SGCZ: variants seen among roughly 807,000 people sequenced by gnomAD.
The protein encoded by SGCZ is zeta-sarcoglycan.
A neutral mutation model predicts 41.3 loss-of-function variants in SGCZ; 40 were observed. The ratio of observed to expected loss-of-function variants is 0.97; its 90% CI spans 0.75 to 1.26. The LOEUF (loss-of-function observed/expected upper bound fraction) is 1.26. Ranked by LOEUF, SGCZ falls within the 50% of genes most tolerant of loss-of-function variation. SGCZ has a pLI of 0.00. For synonymous variants in SGCZ, 206 were observed against 137.5 expected, an observed-to-expected ratio of 1.50 and a Z score of -3.49; for missense variants, 552 against 369.8, an observed-to-expected ratio of 1.49 and a Z score of -4.04.
intron 2 of SGCZ, among the ~76,000 whole-genome samples, chr8:14,490,301 A>G (rs1203243124): frequency 1.3e-5 from 2 of 152,108 alleles, no homozygotes; most frequent in African/African-American, 4.8e-5. Flanking sequence ...TGCTCACCTA[A>G]ATTTACCTAC....
intron 1 of SGCZ, among the ~76,000 whole-genome samples, chr8:14,697,740 A>T (rs1009773320): frequency 3.9e-5 from 6 of 152,068 alleles, no homozygotes; most frequent in Admixed American, 6.6e-5. Context: ...ACTCTGGATA[A>T]CAGAATATCT....
chr8:15,069,658 T>A (rs1805281515), intron 1 of SGCZ, among the ~76,000 whole-genome samples: 1 of 152,250 alleles, frequency 6.6e-6, no homozygotes, highest in African/African-American at 2.4e-5. Flanking sequence ...GCTTACCGCA[T>A]ATGACTTTAT....
chr8:14,611,247 C>A (rs934688623), intron 1 of SGCZ, among the ~76,000 whole-genome samples: 8 of 152,054 alleles, frequency 5.3e-5, no homozygotes, highest in African/African-American at 1.9e-4. Flanking sequence ...TATATTTAAT[C>A]CATTAATATG....
intron 1 of SGCZ, among the ~76,000 whole-genome samples, chr8:14,757,799 T>G (rs1799726342): frequency 6.6e-6 from 1 of 152,198 alleles, no homozygotes; most frequent in Non-Finnish European, 1.5e-5. Flanking sequence ...TTACTATCAT[T>G]TTACGTAAAT....
At chr8:14,183,475 C>T (rs1289991396) in intron 4 of SGCZ, among the ~76,000 whole-genome samples, 9 of 152,082 alleles carry the variant, frequency 5.9e-5, no homozygotes, top group African/African-American at 2.2e-4. Flanking sequence ...GATAATTTTG[C>T]TGATAAAATA....
chr8:14,530,684 T>C (rs562901937), intron 2 of SGCZ, among the ~76,000 whole-genome samples: 2 of 5,232 alleles, frequency 3.8e-4, no homozygotes, highest in Non-Finnish European at 7.1e-4. Context: ...AAAATATTTT[T>C]ATCAAGAATG....
intron 1 of SGCZ, among the ~76,000 whole-genome samples, chr8:14,631,170 C>T (rs1247591151): frequency 1.3e-5 from 2 of 152,012 alleles, no homozygotes; most frequent in Admixed American, 6.6e-5. Context: ...ATCTCCAACA[C>T]GTTATTTACC....
rs1802182433 is a variant in SGCZ, at chr8:14,823,453, AG to A, written c.40-268528del. On this transcript the variant is annotated intron_variant, in intron 1 of 7. Transcript: ENST00000382080. ...CACACATTTCTCAAAAAAATACATA[AG>A]AAAGGCCAACAGATATGAAAAAATG... 2.0e-5 allele frequency among the ~76,000 whole-genome samples: 3 copies of A among 152,196 alleles called. No homozygotes were observed. The South Asian group carries it at 6.2e-4, about 31-fold the overall frequency.
chr8:14,211,443 G>A (rs1805804461), intron 4 of SGCZ, among the ~76,000 whole-genome samples: 1 of 152,270 alleles, frequency 6.6e-6, no homozygotes, highest in South Asian at 2.1e-4. Context: ...CTTATGAACA[G>A]ATTTCTCTAG....
intron 4 of SGCZ, among the ~76,000 whole-genome samples, chr8:14,199,685 G>T (rs1040882992): frequency 6.6e-6 from 1 of 151,950 alleles, no homozygotes; most frequent in Non-Finnish European, 1.5e-5. Context: ...TTCTCAGACT[G>T]GCCAAAGCTT....
intron 2 of SGCZ, among the ~76,000 whole-genome samples, chr8:14,436,942 G>C (rs55862954): frequency 0.031 from 4,764 of 152,178 alleles, 251 homozygotes; most frequent in African/African-American, 0.11. Context: ...TCAAAAACTG[G>C]CAGTATTTGT....
At chr8:15,224,305 G>A (rs1050802744) in intron 1 of SGCZ, among the ~76,000 whole-genome samples, 3 of 151,928 alleles carry the variant, frequency 2.0e-5, no homozygotes, top group African/African-American at 7.3e-5. Context: ...TAAAATTGAA[G>A]AACATTAAAA....
chr8:14,970,510 T>G (rs73666953), intron 1 of SGCZ, among the ~76,000 whole-genome samples: 1 of 152,150 alleles, frequency 6.6e-6, no homozygotes, highest in Non-Finnish European at 1.5e-5. Context: ...GTATGAAGTA[T>G]GGACTATTTG....
At chr8:14,257,850 G>A (rs947149922) in intron 3 of SGCZ, among the ~76,000 whole-genome samples, 4 of 152,102 alleles carry the variant, frequency 2.6e-5, no homozygotes, top group African/African-American at 9.7e-5. Context: ...TTTGTGTTAA[G>A]AAGAGCTTTG....
At chr8:14,325,618 T>G (rs1802067245) in intron 2 of SGCZ, among the ~76,000 whole-genome samples, 1 of 147,052 alleles carries the variant, frequency 6.8e-6, no homozygotes, top group Non-Finnish European at 1.5e-5. Context: ...ATATAATATA[T>G]AGTTGATCAT....
At chr8:14,812,595 A>G (rs1801768713) in intron 1 of SGCZ, among the ~76,000 whole-genome samples, 1 of 152,110 alleles carries the variant, frequency 6.6e-6, no homozygotes, top group African/African-American at 2.4e-5. Context: ...CATAACCTAA[A>G]TGGCCTCCAA....
chr8:14,456,745 G>C (rs1339480648), intron 2 of SGCZ, among the ~76,000 whole-genome samples: 1 of 152,190 alleles, frequency 6.6e-6, no homozygotes, highest in Admixed American at 6.5e-5. Flanking sequence ...ATCTCATGTT[G>C]AATTGTCATC....
At chr8:15,005,325 TTTC>T (rs1206648761) in intron 1 of SGCZ, among the ~76,000 whole-genome samples, 3 of 23,392 alleles carry the variant, frequency 1.3e-4, no homozygotes, top group African/African-American at 3.4e-4. Flanking sequence ...TTTTTTTCTT[TTTC>T]TTTTTTTTTT....
chr8:14,286,548 T>C (rs911007810), intron 3 of SGCZ, among the ~76,000 whole-genome samples: 12 of 152,144 alleles, frequency 7.9e-5, no homozygotes, highest in Admixed American at 2.6e-4. Flanking sequence ...CAGTAGTTTA[T>C]ATCTAACAAT....
Sources: gnomAD v4.1 joint callset for allele counts (sites outside exome capture counted in the v4.1 genomes callset) on GRCh38, gnomAD v4.1.1 for gene constraint, MANE v1.5 for transcripts, NCBI Gene and HGNC (gene_info 2026-07-23, HGNC 2026-07-21) for gene names.